Variants in MED18 observed in about 807,000 individuals in gnomAD.
The protein encoded by MED18 is mediator complex subunit 18.
MED18 carries 10 observed loss-of-function variants against 13.9 expected under a neutral mutation model. The observed-to-expected ratio is 0.72, with a 90% CI of 0.44 to 1.22. MED18 has a LOEUF of 1.22. MED18 is among the 50% of genes most tolerant of loss of function. The pLI, the probability that MED18 is intolerant of heterozygous loss-of-function variation, is 0.00. For synonymous variants in MED18, 88 were observed against 93.2 expected (o/e 0.94, Z 0.32); for missense variants, 216 against 279.0 (o/e 0.77, Z 1.61).
Position 28,334,545 on chromosome 1 carries a change from T to C in MED18, c.202T>C (p.Phe68Leu). The C allele has an allele frequency of 1.2e-6, 2 of 1,614,132 alleles. No homozygotes were observed. Among genetic ancestry groups the C allele is most frequent in the Admixed American group, 3.3e-5 (2 of 60,000 alleles). ...FLLKGQQASPFVLRARRSMDR... is the reference protein window; with the variant it reads ...FLLKGQQASPLVLRARRSMDR... Reference sequence around the variant, plus strand: ...CCTTAAGGGCCAGCAAGCCAGCCCATTTGTTCTCAGGGCCCGACGCTCTAT... The same window carrying C: ...CCTTAAGGGCCAGCAAGCCAGCCCACTTGTTCTCAGGGCCCGACGCTCTAT... Residue 68 changes from phenylalanine (F) to leucine (L), a missense_variant, in exon 3 of 3, where the codon TTT (phenylalanine) becomes CTT (leucine). Physicochemically the swap from Phe to Leu is conservative, Grantham distance 22 (BLOSUM62 0). Transcript: ENST00000373842.
Position 28,335,806 on chromosome 1 carries a change from G to A in MED18, c.*836G>A, listed in dbSNP as rs571809857. On this transcript the variant is annotated 3_prime_UTR_variant, in exon 3 of 3. Transcript: ENST00000373842. ...CATTGCACTCCAGCCTGGGTGAGAA[G>A]AGCGAAACTCCGTCTCAAAAAAAAA... 3.9e-5 allele frequency: 6 copies of A among 151,976 alleles called. No homozygotes were observed. Among genetic ancestry groups the A allele is most frequent in the Non-Finnish European group, 8.8e-5 (6 of 67,994 alleles). The allele number at this position is 151,976 out of a possible 1,614,324, so 9.4% of individuals were successfully genotyped here.
Position 28,334,874 on chromosome 1 carries a change from T to G in MED18, c.531T>G (p.Ala177=). Residue 177 remains alanine, a synonymous_variant, in exon 3 of 3, where the codon GCT becomes GCG. Transcript: ENST00000373842. ...YLVELSVVAP[A]GQDMVSDDMK... ...TGGAATTAAGTGTGGTAGCACCCGC[T>G]GGGCAGGACATGGTCTCTGATGACA... 1 of 1,614,120 alleles carries G rather than the reference T, an allele frequency of 6.2e-7. No individual in the cohort carries two copies. Among genetic ancestry groups the G allele is most frequent in the Non-Finnish European group, 8.5e-7 (1 of 1,180,032 alleles).
intron 2 of MED18, among the ~76,000 whole-genome samples, chr1:28,332,503 G>C (rs570161503): frequency 3.3e-5 from 5 of 152,206 alleles, no homozygotes; most frequent in African/African-American, 9.6e-5. Flanking sequence ...GATCAGAAAA[G>C]GCCTTGATGA....
At chr1:28,333,224 G>A (rs902744410) in intron 2 of MED18, among the ~76,000 whole-genome samples, 14 of 152,276 alleles carry the variant, frequency 9.2e-5, no homozygotes, top group African/African-American at 3.1e-4. Flanking sequence ...AGATAAAAAC[G>A]TGGGAGTCCT....
chr1:28,329,429 G>A (rs979960362), intron 1 of MED18, among the ~76,000 whole-genome samples: 1 of 151,918 alleles, frequency 6.6e-6, no homozygotes, highest in Non-Finnish European at 1.5e-5. Context: ...GGGATTACAG[G>A]CGCTCGCCAC....
Position 28,335,104 on chromosome 1 carries a change from C to T in MED18, c.*134C>T, listed in dbSNP as rs1052825974. ...TTTCCCAGGCTGGAGTGCAGTGGCA[C>T]GATCTCGGCTCACTGCAACCTCTGC... is the stretch of plus-strand genomic sequence containing the variant. On this transcript the variant is annotated 3_prime_UTR_variant, in exon 3 of 3. Transcript: ENST00000373842. 1.2e-5 allele frequency: 10 copies of T among 825,780 alleles called. No individual in the cohort carries two copies. Among genetic ancestry groups the T allele is most frequent in the East Asian group, 2.7e-5 (1 of 37,082 alleles). The allele number at this position is 825,780 out of a possible 1,614,324, so 51.2% of individuals were successfully genotyped here.
At position 28,334,659 on chromosome 1, in the gene MED18, G is replaced by A. The variant is rs374582127; in HGVS notation, c.316G>A (p.Val106Met). 1.9e-5 allele frequency: 31 copies of A among 1,614,088 alleles called. No individual in the cohort carries two copies. Among genetic ancestry groups the A allele is most frequent in the South Asian group, 3.3e-5 (3 of 91,086 alleles). ...KNRHALVRNC[V>M]DIATSENLTD... ...CCGCCATGCCCTGGTGCGAAACTGC[G>A]TGGACATTGCCACATCTGAGAACCT... The change falls in exon 3 of 3, where the codon GTG becomes ATG. Residue 106 changes from valine to methionine, a missense_variant. Val to Met is a conservative substitution (Grantham distance 21). Transcript: ENST00000373842.
chr1:28,329,599 T>A (rs891302752), intron 1 of MED18, among the ~76,000 whole-genome samples: 8 of 152,108 alleles, frequency 5.3e-5, no homozygotes, highest in African/African-American at 1.9e-4. Context: ...TGGCTCTCTT[T>A]AAAAGGCATT....
chr1:28,330,001 G>A (rs969918908), intron 1 of MED18, among the ~76,000 whole-genome samples: 2 of 152,070 alleles, frequency 1.3e-5, no homozygotes, highest in African/African-American at 2.4e-5. Context: ...CGGGCACGGT[G>A]GCTCACACCT....
rs1262920654 is a variant in MED18 at position 28,334,397 on chromosome 1, G to C, written c.74-20G>C. On this transcript the variant is annotated intron_variant, in intron 2 of 2. Coordinates refer to ENST00000373842, the MANE Select transcript of MED18 (RefSeq NM_017638.3). ...CCTAAAATGAAAGACAGGACTCAGT[G>C]GTGCTTTTTCCGTTTTCAGGAAGTG... 1 of 1,603,456 alleles carries C rather than the reference G, an allele frequency of 6.2e-7. No individual in the cohort carries two copies. Among genetic ancestry groups the C allele is most frequent in the East Asian group, 2.2e-5 (1 of 44,732 alleles).
At chr1:28,333,329 A>C (rs1649804387) in intron 2 of MED18, among the ~76,000 whole-genome samples, 1 of 152,188 alleles carries the variant, frequency 6.6e-6, no homozygotes, top group South Asian at 2.1e-4. Context: ...ATTGAGTCCT[A>C]GTCCTCCAGT....
rs140647381 is a variant in MED18, at chr1:28,334,607, G to A, written c.264G>A (p.Leu88=). The part of the protein sequence containing the change: ...RAGAPWHLRY[L]GQPEMGDKNR... ...GGGCACCCTGGCATCTGCGCTACCT[G>A]GGACAGCCAGAAATGGGAGACAAGA... The change falls in exon 3 of 3, where the codon CTG becomes CTA. Residue 88 remains leucine, a synonymous_variant. Coordinates refer to ENST00000373842, the MANE Select transcript of MED18 (RefSeq NM_017638.3). 2.5e-6 allele frequency: 4 copies of A among 1,614,052 alleles called. No homozygotes were observed. The African/African-American group carries it at 5.3e-5, about 22-fold the overall frequency.
Position 28,330,617 on chromosome 1 carries a change from G to T in MED18, c.-46G>T. The T allele has an allele frequency of 1.3e-6, 2 of 1,524,470 alleles. No homozygotes were observed. The highest frequency in any genetic ancestry group is 1.2e-5 in the South Asian group (1 of 86,332). The allele number at this position is 1,524,470 out of a possible 1,614,324, so 94.4% of individuals were successfully genotyped here. A position where few individuals can be genotyped will look rare whatever the true frequency, so the allele number is the denominator to read the frequency against. On this transcript the variant is annotated 5_prime_UTR_variant, in exon 2 of 3. Coordinates refer to ENST00000373842, the MANE Select transcript of MED18 (RefSeq NM_017638.3). ...TCCAGGTATATCCCGTGCCTTACCT[G>T]ACTGGGGGCTCTGAGTCCAGTTGTG...
In MED18 at chr1:28,330,594, C is replaced by T. The variant is rs1298001552; in HGVS notation, c.-66-3C>T. Reference sequence around the variant, plus strand: ...ATGTATAAACAAGTGAACTCTTTTCCAGGTATATCCCGTGCCTTACCTGAC... The same window carrying T: ...ATGTATAAACAAGTGAACTCTTTTCTAGGTATATCCCGTGCCTTACCTGAC... On this transcript the variant is annotated splice_region_variant and splice_polypyrimidine_tract_variant and intron_variant, in intron 1 of 2. Coordinates refer to ENST00000373842, the MANE Select transcript of MED18 (RefSeq NM_017638.3). 14 of 1,235,858 alleles carry T rather than the reference C, an allele frequency of 1.1e-5. No homozygotes were observed. Among genetic ancestry groups the T allele is most frequent in the African/African-American group, 1.5e-5 (1 of 65,296 alleles). The allele number at this position is 1,235,858 out of a possible 1,614,324, so 76.6% of individuals were successfully genotyped here.
chr1:28,334,724 T>C lies in MED18; in HGVS notation c.381T>C (p.His127=). The C allele has an allele frequency of 1.2e-6, 2 of 1,613,432 alleles. No homozygotes were observed. Among genetic ancestry groups the C allele is most frequent in the East Asian group, 4.5e-5 (2 of 44,868 alleles). Residue 127 remains histidine, a synonymous_variant, in exon 3 of 3, where the codon CAT becomes CAC. Transcript: ENST00000373842. ...FLMEMGFRMD[H]EFVAKGHLFR... is the part of the protein sequence containing the mutation. The stretch of plus-strand genomic sequence containing the variant: ...TGGAAATGGGCTTCCGCATGGACCA[T>C]GAGTTTGTTGCTAAGGGACATTTGT...
intron 2 of MED18, among the ~76,000 whole-genome samples, chr1:28,331,007 A>G (rs1214506999): frequency 6.6e-6 from 1 of 152,086 alleles, no homozygotes; most frequent in Admixed American, 6.6e-5. Context: ...CCTGGCTAAC[A>G]CAGTGAAACC....
At position 28,330,752 on chromosome 1, in the gene MED18, A is replaced by G; in HGVS notation, c.73+17A>G. The G allele has an allele frequency of 6.3e-7, 1 of 1,575,080 alleles. No homozygotes were observed. Among genetic ancestry groups the G allele is most frequent in the Non-Finnish European group, 8.6e-7 (1 of 1,161,144 alleles). ...TGTTGCAGGGTAAGTGAACTAGGGA[A>G]CTTGGATTACCTGTTTTCCTCTTCT... is the stretch of plus-strand genomic sequence containing the variant. On this transcript the variant is annotated intron_variant, in intron 2 of 2. Coordinates refer to ENST00000373842, the MANE Select transcript of MED18 (RefSeq NM_017638.3).
At chr1:28,330,300 C>A in intron 1 of MED18, 1 of 166,334 alleles carries the variant, frequency 6.0e-6, no homozygotes, top group Non-Finnish European at 1.3e-5. Flanking sequence ...AAAAAAATCA[C>A]TGGCCTCATT....
rs1445957810 is a variant in MED18 at position 28,334,811 on chromosome 1, CACAG to C, written c.473_476del (p.Asp158AlafsTer13). The C allele has an allele frequency of 5.0e-6, 8 of 1,614,038 alleles. No individual in the cohort carries two copies. In the African/African-American group the frequency reaches 8.0e-5, roughly 16 times the overall value. ...TTTTCCGCATCCTGGTGCCAGGGAACACAGACAGCACTGAGGCCTTGTCACTCTC... is the reference window on the plus strand; with the variant it reads ...TTTTCCGCATCCTGGTGCCAGGGAACACAGCACTGAGGCCTTGTCACTCTC... On this transcript the variant is annotated frameshift_variant, in exon 3 of 3. Transcript: ENST00000373842. LOFTEE classifies it high-confidence loss of function.
Sources: allele counts gnomAD v4.1 joint callset (sites outside exome capture counted in the v4.1 genomes callset), GRCh38; gene constraint gnomAD v4.1.1; transcripts MANE v1.5; gene names NCBI Gene and HGNC (gene_info 2026-07-23, HGNC 2026-07-21).